Variants in SV2B observed in about 807,000 individuals in gnomAD.
SV2B encodes the protein synaptic vesicle glycoprotein 2B.
Under a neutral mutation model 73.9 loss-of-function variants are expected in SV2B, and 41 were observed. That is an observed-to-expected ratio of 0.56 (90% CI 0.43 to 0.72). The LOEUF (loss-of-function observed/expected upper bound fraction) is 0.72. SV2B is among the 30% of genes least tolerant of loss of function. SV2B has a pLI of 0.00. For missense variants in SV2B, 764 were observed against 857.8 expected (o/e 0.89, Z 1.37); for synonymous variants, 314 against 314.2 (o/e 1.00, Z 0.01).
At chr15:91,206,371 C>A (rs2045641537) in intron 1 of SV2B, among the ~76,000 whole-genome samples, 1 of 152,050 alleles carries the variant, frequency 6.6e-6, no homozygotes, top group Non-Finnish European at 1.5e-5. Context: ...TAAGGAAGCT[C>A]CCCCTTCCAG....
intron 1 of SV2B, among the ~76,000 whole-genome samples, chr15:91,134,278 G>A (rs182533805): frequency 2.1e-3 from 317 of 152,242 alleles, no homozygotes; most frequent in Non-Finnish European, 3.5e-3. Context: ...GATTACAGGC[G>A]TGAGCCACAG....
chr15:91,142,462 C>A (rs1219207851), intron 1 of SV2B, among the ~76,000 whole-genome samples: 2 of 152,098 alleles, frequency 1.3e-5, no homozygotes, highest in Non-Finnish European at 2.9e-5. Flanking sequence ...TAATGAGATG[C>A]TGAGGAAATA....
At chr15:91,168,221 T>C (rs1483766579) in intron 1 of SV2B, among the ~76,000 whole-genome samples, 1 of 151,772 alleles carries the variant, frequency 6.6e-6, no homozygotes, top group Non-Finnish European at 1.5e-5. Flanking sequence ...GGTTTTCTGG[T>C]AGAAATCTGA....
At chr15:91,146,995 A>G (rs1225723763) in intron 1 of SV2B, among the ~76,000 whole-genome samples, 2 of 152,214 alleles carry the variant, frequency 1.3e-5, no homozygotes, top group East Asian at 3.8e-4. Flanking sequence ...ATATAACTCA[A>G]TTCATGAGCC....
intron 2 of SV2B, among the ~76,000 whole-genome samples, chr15:91,237,419 A>G (rs1044441678): frequency 2.0e-5 from 3 of 152,202 alleles, no homozygotes; most frequent in African/African-American, 4.8e-5. Context: ...GGGGGGAAAA[A>G]TCACTTCCAG....
Position 91,136,689 on chromosome 15 carries a change from ATC to A in SV2B, c.-392+36328_-392+36329del, listed in dbSNP as rs1469012585. ...AGACTGCCTTTTTAGTTGTCAGCAG[ATC>A]TGTCTCTTGGGAGCGGGAATGGGGT... On this transcript the variant is annotated intron_variant, in intron 1 of 12. Coordinates refer to ENST00000394232, the MANE Select transcript of SV2B (RefSeq NM_001323032.3). The surrounding 1 kb of genome is among the most constrained non-coding windows in gnomAD (Gnocchi z 5.6). 2.0e-5 allele frequency among the ~76,000 whole-genome samples: 3 copies of A among 152,132 alleles called. No individual in the cohort carries two copies. Among genetic ancestry groups the A allele is most frequent in the Admixed American group, 6.5e-5 (1 of 15,274 alleles).
chr15:91,224,163 G>A lies in SV2B; in HGVS notation c.-391-1710G>A, dbSNP rs1473621894. Among the ~76,000 whole-genome samples, 2 of 152,196 alleles carry A rather than the reference G, an allele frequency of 1.3e-5. No homozygotes were observed. Among genetic ancestry groups the A allele is most frequent in the African/African-American group, 4.8e-5 (2 of 41,448 alleles). On this transcript the variant is annotated intron_variant, in intron 1 of 12. Coordinates refer to ENST00000394232, the MANE Select transcript of SV2B (RefSeq NM_001323032.3). The surrounding 1 kb of genome is among the most constrained non-coding windows in gnomAD (Gnocchi z 4.9). The stretch of plus-strand genomic sequence containing the variant: ...GGCCCAGGGATGGGCTGTGGGCAGA[G>A]GGAGGAGTCAAGTAGCCATGGTGAG...
intron 1 of SV2B, among the ~76,000 whole-genome samples, chr15:91,193,460 T>C (rs1309986649): frequency 6.6e-6 from 1 of 152,052 alleles, no homozygotes; most frequent in Admixed American, 6.5e-5. Flanking sequence ...CCCCTTTGGG[T>C]GATCCAGACC....
Position 91,124,595 on chromosome 15 carries a change from C to T in SV2B, c.-392+24232C>T, listed in dbSNP as rs550991687. On this transcript the variant is annotated intron_variant, in intron 1 of 12. Transcript: ENST00000394232. The surrounding 1 kb of genome is among the most constrained non-coding windows in gnomAD (Gnocchi z 4.6). ...AAAGAAGACTATTCATTTGCTGGGG[C>T]TGCTATAACAAAACACCATGGAACG... Among the ~76,000 whole-genome samples, 25 of 152,256 alleles carry T rather than the reference C, an allele frequency of 1.6e-4. No individual in the cohort carries two copies. The South Asian group carries it at 5.2e-3, about 32-fold the overall frequency.
At chr15:91,145,640 C>T (rs765532913) in intron 1 of SV2B, among the ~76,000 whole-genome samples, 2 of 152,170 alleles carry the variant, frequency 1.3e-5, no homozygotes, top group Non-Finnish European at 2.9e-5. Context: ...TCTACAACCT[C>T]AGCAGTATCT....
At chr15:91,131,965 AAAAC>A (rs2141156194) in intron 1 of SV2B, among the ~76,000 whole-genome samples, 1 of 152,320 alleles carries the variant, frequency 6.6e-6, no homozygotes, top group South Asian at 2.1e-4. Flanking sequence ...TCTGTCTCAA[AAAAC>A]AAACAAATAA....
At chr15:91,204,716 C>T (rs2045576024) in intron 1 of SV2B, among the ~76,000 whole-genome samples, 1 of 151,922 alleles carries the variant, frequency 6.6e-6, no homozygotes, top group Non-Finnish European at 1.5e-5. Context: ...AGTCACCATG[C>T]CCGGCTAATT....
chr15:91,189,987 C>CAA (rs201588497), intron 1 of SV2B, among the ~76,000 whole-genome samples: 8 of 146,406 alleles, frequency 5.5e-5, no homozygotes, highest in African/African-American at 2.0e-4. Context: ...GACGCCATCT[C>CAA]AAAAAAAAAG....
intron 9 of SV2B, among the ~76,000 whole-genome samples, chr15:91,276,890 C>T (rs2048511600): frequency 7.2e-6 from 1 of 138,652 alleles, no homozygotes; most frequent in Non-Finnish European, 1.6e-5. Flanking sequence ...GGCATGATCT[C>T]AGCTCACCGC....
chr15:91,254,034 A>G (rs79342163), intron 4 of SV2B, among the ~76,000 whole-genome samples: 2,129 of 152,316 alleles, frequency 0.014, 44 homozygotes, highest in African/African-American at 0.046. Context: ...AAATTGTATT[A>G]CTGCTACTGT....
intron 1 of SV2B, among the ~76,000 whole-genome samples, chr15:91,142,359 T>G (rs1261066184): frequency 1.3e-5 from 2 of 152,206 alleles, no homozygotes; most frequent in Non-Finnish European, 2.9e-5. Flanking sequence ...GATATTTTCC[T>G]GAACAAAGAG....
chr15:91,252,019 G>C lies in SV2B; in HGVS notation c.632+20G>C. ...CATCGGGTATGTTCTTAGGGAGGTG[G>C]AGCTGGACCATCCCAGACCAATGGC... On this transcript the variant is annotated intron_variant, in intron 3 of 12. Transcript: ENST00000394232. This position sits in a 1 kb window ranked among gnomAD's most constrained non-coding sequence, Gnocchi z 4.6. 6.2e-7 allele frequency: 1 copy of C among 1,612,508 alleles called. No individual in the cohort carries two copies. Among genetic ancestry groups the C allele is most frequent in the Non-Finnish European group, 8.5e-7 (1 of 1,179,090 alleles).
chr15:91,266,762 A>G, intron 7 of SV2B, 70 bp downstream of exon 7: 3 of 1,294,514 alleles, frequency 2.3e-6, no homozygotes, highest in Non-Finnish European at 2.2e-6. Context: ...TGGATGAAAA[A>G]TGCAGCTCCT....
At position 91,169,627 on chromosome 15, in the gene SV2B, C is replaced by T. The variant is rs149915125; in HGVS notation, c.-391-56246C>T. Among the ~76,000 whole-genome samples the T allele has an allele frequency of 8.5e-5, 13 of 152,306 alleles. No individual in the cohort carries two copies. The East Asian group carries it at 2.5e-3, about 29-fold the overall frequency. ...ATGCTGTGGGGAAAAGCAGGCGAGA[C>T]CCTAGCCCATGGAGCTTACATTCTA... On this transcript the variant is annotated intron_variant, in intron 1 of 12. Coordinates refer to ENST00000394232, the MANE Select transcript of SV2B (RefSeq NM_001323032.3).
Sources: allele counts gnomAD v4.1 joint callset (sites outside exome capture counted in the v4.1 genomes callset), GRCh38; gene constraint gnomAD v4.1.1; non-coding constraint Gnocchi (gnomAD v3.1); transcripts MANE v1.5; gene names NCBI Gene and HGNC (gene_info 2026-07-23, HGNC 2026-07-21).